The following MAGI2 variants were observed in gnomAD, a reference collection of about 807,000 sequenced individuals.
MAGI2 encodes membrane-associated guanylate kinase, WW and PDZ domain-containing protein 2.
In MAGI2, 35 loss-of-function variants were observed where a neutral mutation model predicts 133.3. The observed-to-expected ratio is 0.26, with a 90% CI of 0.20 to 0.35. The LOEUF (loss-of-function observed/expected upper bound fraction) is 0.35, where lower values mean the gene tolerates loss of function less well. Among genes scored for constraint, MAGI2 ranks in the 10% least tolerant of loss-of-function variants. The pLI, the probability that MAGI2 is intolerant of heterozygous loss-of-function variation, is 1.00. For missense variants in MAGI2, 1,636 were observed against 1,863.4 expected (o/e 0.88, Z 2.25); for synonymous variants, 729 against 710.6 (o/e 1.03, Z -0.41).
intron 1 of MAGI2, chr7:79,030,216 A>C (rs1464428813): frequency 2.0e-5 from 3 of 152,240 alleles, no homozygotes; most frequent in African/African-American, 7.2e-5. Flanking sequence ...TGAGGGAAGA[A>C]TCAACAATTT....
At chr7:78,529,667 GGTTTTTT>G (rs1210391853) in intron 3 of MAGI2, among the ~76,000 whole-genome samples, 31 of 56,332 alleles carry the variant, frequency 5.5e-4, no homozygotes, top group African/African-American at 2.0e-3. Flanking sequence ...TAAAGGAGAT[GGTTTTTT>G]TTTTTTTTTT....
intron 21 of MAGI2, among the ~76,000 whole-genome samples, chr7:78,033,938 G>C (rs1809884640): frequency 6.6e-6 from 1 of 152,170 alleles, no homozygotes; most frequent in South Asian, 2.1e-4. Flanking sequence ...AAGCAGGAGA[G>C]TGATGCTCAA....
chr7:78,671,271 C>G (rs1001789385), intron 2 of MAGI2, among the ~76,000 whole-genome samples: 18 of 109,240 alleles, frequency 1.6e-4, no homozygotes, highest in East Asian at 1.4e-3. Context: ...TTAATTGTGT[C>G]TCTCTCTCTC....
chr7:78,851,691 T>G (rs1410652279), intron 2 of MAGI2, among the ~76,000 whole-genome samples: 1 of 152,182 alleles, frequency 6.6e-6, no homozygotes, highest in African/African-American at 2.4e-5. Context: ...GGAAGTCTGA[T>G]ATTTGTATTT....
intron 1 of MAGI2, among the ~76,000 whole-genome samples, chr7:79,434,873 G>A (rs897614798): frequency 1.9e-4 from 29 of 152,152 alleles, no homozygotes; most frequent in Middle Eastern, 3.2e-3. Context: ...CCTTAATGTC[G>A]TGGGCCTCAT....
chr7:78,106,085 G>A (rs185986678), intron 20 of MAGI2, among the ~76,000 whole-genome samples: 1 of 151,916 alleles, frequency 6.6e-6, no homozygotes, highest in East Asian at 1.9e-4. Context: ...TTAATTTTTA[G>A]CTCCTACATA....
intron 4 of MAGI2, chr7:78,509,366 A>T (rs1257588513): frequency 6.6e-6 from 1 of 152,198 alleles, no homozygotes. Context: ...AACTGTTGTG[A>T]AGAATTAAGA....
intron 7 of MAGI2, among the ~76,000 whole-genome samples, chr7:78,352,686 C>T (rs1415767379): frequency 1.3e-5 from 2 of 152,112 alleles, no homozygotes; most frequent in East Asian, 1.9e-4. Flanking sequence ...GAAGAATATC[C>T]ACATATTGGC....
intron 3 of MAGI2, among the ~76,000 whole-genome samples, chr7:78,546,959 G>A (rs1798900154): frequency 6.6e-6 from 1 of 152,168 alleles, no homozygotes; most frequent in Non-Finnish European, 1.5e-5. Context: ...GCCAAGACTT[G>A]AAGTATTAAC....
chr7:78,660,415 T>G (rs899112826), intron 2 of MAGI2, among the ~76,000 whole-genome samples: 1 of 151,988 alleles, frequency 6.6e-6, no homozygotes, highest in Non-Finnish European at 1.5e-5. Context: ...TATTTTATAG[T>G]GCTTCTCATG....
Position 78,019,701 on chromosome 7 carries a change from G to A in MAGI2, c.3982C>T (p.Leu1328Phe), listed in dbSNP as rs752287449. Residue 1328 changes from leucine (L) to phenylalanine (F), a missense_variant, in exon 22 of 22, where the codon CTC becomes TTC. Coordinates refer to ENST00000354212, the MANE Select transcript of MAGI2 (RefSeq NM_012301.4). The part of the protein sequence containing the change: ...ASPQRAARPR[L>F]EEAPGGQGRP... ...CCCTGGCCGCCGGGCGCCTCCTCGAGCCTCGGCCGCGCGGCCCTCTGCGGA... is the reference window on the plus strand; with the variant it reads ...CCCTGGCCGCCGGGCGCCTCCTCGAACCTCGGCCGCGCGGCCCTCTGCGGA... 1.4e-5 allele frequency: 22 copies of A among 1,570,958 alleles called. No individual in the cohort carries two copies. The Admixed American group carries it at 1.4e-4, about 10-fold the overall frequency.
At chr7:78,594,997 A>G (rs1804444461) in intron 3 of MAGI2, among the ~76,000 whole-genome samples, 1 of 152,220 alleles carries the variant, frequency 6.6e-6, no homozygotes, top group African/African-American at 2.4e-5. Context: ...TAGAAGGTAT[A>G]TAAGGTCTGG....
intron 16 of MAGI2, among the ~76,000 whole-genome samples, chr7:78,152,097 A>G (rs1048839113): frequency 1.3e-5 from 2 of 152,338 alleles, no homozygotes; most frequent in East Asian, 1.9e-4. Context: ...CAGACACAAT[A>G]AAAGAAGGGA....
intron 1 of MAGI2, among the ~76,000 whole-genome samples, chr7:79,282,700 C>T (rs1413874204): frequency 4.6e-5 from 7 of 151,944 alleles, no homozygotes; most frequent in Non-Finnish European, 8.8e-5. Context: ...GGCAAGGTGG[C>T]TTAAAGACCT....
chr7:78,859,746 C>T (rs1793998438), intron 2 of MAGI2, among the ~76,000 whole-genome samples: 1 of 152,080 alleles, frequency 6.6e-6, no homozygotes, highest in South Asian at 2.1e-4. Context: ...GGAGTATCTT[C>T]ATGGCGTTCT....
At chr7:78,522,542 G>A (rs1796595258) in intron 3 of MAGI2, among the ~76,000 whole-genome samples, 1 of 151,938 alleles carries the variant, frequency 6.6e-6, no homozygotes, top group South Asian at 2.1e-4. Context: ...ACCAGTTCTG[G>A]CTAATTTTTG....
At chr7:78,998,773 G>A (rs866599261) in intron 2 of MAGI2, among the ~76,000 whole-genome samples, 1 of 152,146 alleles carries the variant, frequency 6.6e-6, no homozygotes, top group African/African-American at 2.4e-5. Flanking sequence ...ATTGCCATCT[G>A]TCTATTCCTT....
intron 1 of MAGI2, among the ~76,000 whole-genome samples, chr7:79,359,765 C>G (rs1022913878): frequency 1.4e-4 from 21 of 151,568 alleles, no homozygotes; most frequent in African/African-American, 4.8e-4. Flanking sequence ...TAAACTATGT[C>G]TCAGGAAAGA....
chr7:79,293,756 C>T (rs1432076896), intron 1 of MAGI2, among the ~76,000 whole-genome samples: 4 of 152,166 alleles, frequency 2.6e-5, no homozygotes, highest in Admixed American at 6.5e-5. Flanking sequence ...GGCTCCAAAG[C>T]CTACACCGGG....
Sources: gnomAD v4.1 joint callset for allele counts (sites outside exome capture counted in the v4.1 genomes callset) on GRCh38, gnomAD v4.1.1 for gene constraint, MANE v1.5 for transcripts, NCBI Gene and HGNC (gene_info 2026-07-23, HGNC 2026-07-21) for gene names.